The following DLC1 variants were observed in gnomAD, a reference collection of about 807,000 sequenced individuals.
The protein encoded by DLC1 is rho GTPase-activating protein 7.
A neutral mutation model predicts 140.3 loss-of-function variants in DLC1; 54 were observed. The observed-to-expected ratio is 0.38, with a 90% CI of 0.31 to 0.48. DLC1 has a LOEUF of 0.48. Ranked by LOEUF, DLC1 falls within the 20% of genes least tolerant of loss-of-function variation. The pLI is 0.96. For synonymous variants in DLC1, 986 were observed against 728.1 expected, an observed-to-expected ratio of 1.35 and a Z score of -5.70; for missense variants, 2,536 against 1,907.0, an observed-to-expected ratio of 1.33 and a Z score of -6.14.
At chr8:13,299,048 A>G (rs7842087) in intron 5 of DLC1, among the ~76,000 whole-genome samples, 4,725 of 152,238 alleles carry the variant, frequency 0.031, 124 homozygotes, top group African/African-American at 0.071. Context: ...AGTGACTAAA[A>G]TGCAGTGTTA....
chr8:13,433,084 G>T (rs1327591893), intron 2 of DLC1, among the ~76,000 whole-genome samples: 1 of 151,630 alleles, frequency 6.6e-6, no homozygotes, highest in East Asian at 1.9e-4. Flanking sequence ...TAAAGCCACT[G>T]AAAACTGTAG....
rs1229587534 is a variant in DLC1 at position 13,083,783 on chromosome 8, G to A, written c.*2028C>T. The A allele has an allele frequency of 2.0e-5, 3 of 152,622 alleles. No homozygotes were observed. The highest frequency in any genetic ancestry group is 7.2e-5 in the African/African-American group (3 of 41,456). The allele number at this position is 152,622 out of a possible 1,614,324, so 9.5% of individuals were successfully genotyped here. On this transcript the variant is annotated 3_prime_UTR_variant, in exon 18 of 18. Coordinates refer to ENST00000276297, the MANE Select transcript of DLC1 (RefSeq NM_182643.3). ...GTGGCTCAGTTGCAGTTTGGCCTTG[G>A]AATGATTTGCAGTCCGATTTTTCCT...
At chr8:13,344,354 A>G (rs1182419404) in intron 4 of DLC1, among the ~76,000 whole-genome samples, 1 of 152,168 alleles carries the variant, frequency 6.6e-6, no homozygotes, top group African/African-American at 2.4e-5. Flanking sequence ...TTAGCCGGGC[A>G]TGGTGGCACA....
At chr8:13,236,451 C>A (rs1829286862) in intron 5 of DLC1, among the ~76,000 whole-genome samples, 1 of 152,100 alleles carries the variant, frequency 6.6e-6, no homozygotes, top group Admixed American at 6.5e-5. Flanking sequence ...ATCTTAAAAT[C>A]TCTTATTCAC....
intron 5 of DLC1, chr8:13,132,918 G>A (rs1822242667): frequency 5.7e-6 from 9 of 1,588,330 alleles, no homozygotes; most frequent in Non-Finnish European, 6.8e-6. Flanking sequence ...CGGCCAGCCC[G>A]ACGGCAAGAC....
At chr8:13,318,395 G>A (rs1832944837) in intron 4 of DLC1, among the ~76,000 whole-genome samples, 1 of 152,048 alleles carries the variant, frequency 6.6e-6, no homozygotes, top group African/African-American at 2.4e-5. Context: ...TATGTATGAG[G>A]AAATGAAGTC....
chr8:13,577,816 T>A (rs1477772031), intron 1 of DLC1, among the ~76,000 whole-genome samples: 1 of 152,114 alleles, frequency 6.6e-6, no homozygotes, highest in Non-Finnish European at 1.5e-5. Flanking sequence ...TTTTTAAGCT[T>A]CTTCCTGTTG....
Position 13,382,450 on chromosome 8 carries a change from G to T in DLC1, c.1314+11103C>A, listed in dbSNP as rs944245913. 1.1e-3 allele frequency among the ~76,000 whole-genome samples: 150 copies of T among 134,468 alleles called. 1 individual carries two copies. The highest frequency in any genetic ancestry group is 2.0e-3 in the Non-Finnish European group (127 of 64,974). The allele number at this position is 134,468 out of a possible 152,430, so 88.2% of individuals were successfully genotyped here. On this transcript the variant is annotated intron_variant, in intron 4 of 17. Coordinates refer to ENST00000276297, the MANE Select transcript of DLC1 (RefSeq NM_182643.3). ...TGAACCCCAGGGGGCGGAGCCTGCA[G>T]TGAGCCGAGATTGCGCCACTGCACT...
At chr8:13,327,559 A>C (rs1833419035) in intron 4 of DLC1, among the ~76,000 whole-genome samples, 1 of 151,778 alleles carries the variant, frequency 6.6e-6, no homozygotes. Context: ...GGTTCAAGCA[A>C]TCCTCCTGTC....
At chr8:13,286,250 T>A (rs1277294933) in intron 5 of DLC1, among the ~76,000 whole-genome samples, 1 of 152,144 alleles carries the variant, frequency 6.6e-6, no homozygotes, top group Non-Finnish European at 1.5e-5. Flanking sequence ...GATGTATGAC[T>A]TCACAGGGAG....
intron 4 of DLC1, among the ~76,000 whole-genome samples, chr8:13,387,228 T>G (rs1836563542): frequency 6.6e-6 from 1 of 152,034 alleles, no homozygotes; most frequent in Admixed American, 6.6e-5. Context: ...TACCTTGAAT[T>G]CTTTCCCCAA....
chr8:13,121,231 TG>T (rs1255195969), intron 5 of DLC1, among the ~76,000 whole-genome samples: 1 of 152,180 alleles, frequency 6.6e-6, no homozygotes, highest in African/African-American at 2.4e-5. Context: ...TAGAGAACCG[TG>T]TCAGCTGTGT....
chr8:13,476,783 T>G (rs1800453435), intron 2 of DLC1, among the ~76,000 whole-genome samples: 1 of 152,250 alleles, frequency 6.6e-6, no homozygotes, highest in South Asian at 2.1e-4. Context: ...CCCACTGAAT[T>G]AATGAATTAG....
At chr8:13,466,899 T>G (rs566801117) in intron 2 of DLC1, among the ~76,000 whole-genome samples, 1 of 152,030 alleles carries the variant, frequency 6.6e-6, no homozygotes, top group Non-Finnish European at 1.5e-5. Context: ...CTGAAAAGTC[T>G]AATACATCAA....
In DLC1 at chr8:13,401,526, G is replaced by A. The variant is rs1204407636; in HGVS notation, c.1117C>T (p.Leu373Phe). 14 of 1,613,226 alleles carry A rather than the reference G, an allele frequency of 8.7e-6. No homozygotes were observed. The highest frequency in any genetic ancestry group is 1.1e-5 in the Non-Finnish European group (13 of 1,179,998). Residue 373 changes from leucine to phenylalanine, a missense_variant, in exon 3 of 18, where the codon CTC becomes TTC. Physicochemically the swap from Leu to Phe is conservative, Grantham distance 22. Coordinates refer to ENST00000276297, the MANE Select transcript of DLC1 (RefSeq NM_182643.3). Reference sequence around the variant, plus strand: ...CCTGATGGAGAGGAGCTGGTGCTGAGGGCATTTTCTATGTCCTGATCAAGC... The same window carrying A: ...CCTGATGGAGAGGAGCTGGTGCTGAAGGCATTTTCTATGTCCTGATCAAGC... ...DQLDQDIENA[L>F]STSSSPSGTP...
chr8:13,587,312 G>A (rs1337928964), intron 1 of DLC1, among the ~76,000 whole-genome samples: 2 of 151,662 alleles, frequency 1.3e-5, no homozygotes, highest in Non-Finnish European at 2.9e-5. Context: ...GAGAGAAAGA[G>A]ATTAAAAACA....
intron 5 of DLC1, among the ~76,000 whole-genome samples, chr8:13,257,106 C>T (rs1433895951): frequency 6.6e-6 from 1 of 152,012 alleles, no homozygotes; most frequent in African/African-American, 2.4e-5. Context: ...TTCTGTAGCA[C>T]TGCAATCAGG....
At chr8:13,138,994 A>G (rs1822769015) in intron 5 of DLC1, among the ~76,000 whole-genome samples, 2 of 152,132 alleles carry the variant, frequency 1.3e-5, no homozygotes, top group Non-Finnish European at 2.9e-5. Flanking sequence ...GATATTTTTA[A>G]GAGAGAGAAG....
intron 4 of DLC1, among the ~76,000 whole-genome samples, chr8:13,346,788 A>G (rs1834361916): frequency 6.6e-6 from 1 of 152,094 alleles, no homozygotes; most frequent in Non-Finnish European, 1.5e-5. Context: ...TTCCCACTGT[A>G]GCAGATATTT....
Sources: gnomAD v4.1 joint callset for allele counts (sites outside exome capture counted in the v4.1 genomes callset) on GRCh38, gnomAD v4.1.1 for gene constraint, MANE v1.5 for transcripts, NCBI Gene and HGNC (gene_info 2026-07-23, HGNC 2026-07-21) for gene names.